TASP1: variants seen among roughly 807,000 people sequenced by gnomAD.
The protein encoded by TASP1 is taspase 1, also known as threonine aspartase 1.
TASP1 carries 16 observed loss-of-function variants against 56.6 expected under a neutral mutation model. The observed-to-expected ratio is 0.28, with a 90% confidence interval of 0.19 to 0.43. TASP1 has a LOEUF of 0.43. TASP1 is among the 20% of genes least tolerant of loss of function. The pLI, the probability that TASP1 is intolerant of heterozygous loss-of-function variation, is 1.00. For synonymous variants in TASP1, 179 were observed against 184.2 expected (o/e 0.97, Z 0.23); for missense variants, 393 against 511.6 (o/e 0.77, Z 2.24).
At chr20:13,107,104 G>T in the TASP1 span, among the ~76,000 whole-genome samples, 1 of 152,152 alleles carries the variant, frequency 6.6e-6, no homozygotes, top group East Asian at 1.9e-4. Flanking sequence ...CAAAGTAGAG[G>T]TCTCGCTTTG....
intron 2 of TASP1, among the ~76,000 whole-genome samples, chr20:13,627,539 T>C (rs538662704): frequency 6.6e-6 from 1 of 151,930 alleles, no homozygotes; most frequent in Non-Finnish European, 1.5e-5. Context: ...ATCACCTGAG[T>C]CAGGAGTTTG....
chr20:13,137,383 T>C, the TASP1 span, among the ~76,000 whole-genome samples: 1 of 152,176 alleles, frequency 6.6e-6, no homozygotes, highest in African/African-American at 2.4e-5. Context: ...CCTCTTTTCC[T>C]TTGGGTTTTG....
At chr20:13,498,549 G>C (rs1475443101) in intron 10 of TASP1, among the ~76,000 whole-genome samples, 2 of 151,996 alleles carry the variant, frequency 1.3e-5, no homozygotes, top group African/African-American at 4.8e-5. Flanking sequence ...AGTAGACATA[G>C]GGTTTCACCA....
At chr20:13,188,992 A>G in the TASP1 span, among the ~76,000 whole-genome samples, 2 of 152,100 alleles carry the variant, frequency 1.3e-5, no homozygotes, top group East Asian at 3.9e-4. Context: ...GCTGTAACCA[A>G]TCTCACTGTT....
intron 10 of TASP1, among the ~76,000 whole-genome samples, chr20:13,527,045 G>T (rs567309888): frequency 6.6e-6 from 1 of 152,118 alleles, no homozygotes; most frequent in African/African-American, 2.4e-5. Flanking sequence ...GAAATCATGA[G>T]AACAGCAGAA....
the TASP1 span, among the ~76,000 whole-genome samples, chr20:13,240,598 A>G: frequency 6.6e-6 from 1 of 152,256 alleles, no homozygotes; most frequent in South Asian, 2.1e-4. Flanking sequence ...TTTGCAGGTC[A>G]TGATAAAGAA....
chr20:13,146,724 T>C, the TASP1 span, among the ~76,000 whole-genome samples: 1 of 152,228 alleles, frequency 6.6e-6, no homozygotes, highest in South Asian at 2.1e-4. Context: ...AAATTTTTCA[T>C]CTTCTATTGC....
At chr20:13,318,317 G>A in the TASP1 span, among the ~76,000 whole-genome samples, 1 of 152,060 alleles carries the variant, frequency 6.6e-6, no homozygotes, top group Non-Finnish European at 1.5e-5. Flanking sequence ...CCAAAACATT[G>A]ACAACATCAG....
chr20:13,445,444 G>A (rs1019206957), intron 11 of TASP1, among the ~76,000 whole-genome samples: 1 of 152,144 alleles, frequency 6.6e-6, no homozygotes, highest in African/African-American at 2.4e-5. Context: ...TTCTTTTTCT[G>A]AATATTCCAT....
chr20:13,148,064 A>C, the TASP1 span, among the ~76,000 whole-genome samples: 1 of 152,220 alleles, frequency 6.6e-6, no homozygotes, highest in Non-Finnish European at 1.5e-5. Flanking sequence ...TTAACAGAGA[A>C]GAAATTTTCC....
chr20:13,384,237 G>A, the TASP1 span, among the ~76,000 whole-genome samples: 488 of 152,228 alleles, frequency 3.2e-3, 1 homozygote, highest in East Asian at 0.01. Context: ...AATCCCCATG[G>A]CAATTCAAGG....
At chr20:13,124,210 C>G in the TASP1 span, among the ~76,000 whole-genome samples, 256 of 152,122 alleles carry the variant, frequency 1.7e-3, 1 homozygote, top group African/African-American at 5.9e-3. Context: ...CAGGGACTAG[C>G]CTTATGGTCC....
intron 13 of TASP1, among the ~76,000 whole-genome samples, chr20:13,411,709 T>C (rs980723918): frequency 3.3e-5 from 5 of 152,214 alleles, no homozygotes; most frequent in Non-Finnish European, 5.9e-5. Flanking sequence ...TCCATTCTTA[T>C]AGTCCAGGCA....
chr20:13,272,770 A>G, the TASP1 span, among the ~76,000 whole-genome samples: 3 of 152,246 alleles, frequency 2.0e-5, no homozygotes, highest in Non-Finnish European at 4.4e-5. Flanking sequence ...GAATAGGTGC[A>G]GATTGGCAAG....
At chr20:13,555,072 T>C (rs937049147) in intron 8 of TASP1, among the ~76,000 whole-genome samples, 2 of 152,192 alleles carry the variant, frequency 1.3e-5, no homozygotes, top group Non-Finnish European at 2.9e-5. Context: ...CGTTGCTTTA[T>C]TAATAAGCTC....
the TASP1 span, among the ~76,000 whole-genome samples, chr20:13,149,685 C>T: frequency 1.3e-5 from 2 of 152,164 alleles, no homozygotes; most frequent in Non-Finnish European, 2.9e-5. Flanking sequence ...AAGAATAAAA[C>T]ATTTAGTTCT....
intron 13 of TASP1, among the ~76,000 whole-genome samples, chr20:13,414,224 C>T (rs765456407): frequency 6.6e-6 from 1 of 152,018 alleles, no homozygotes; most frequent in Non-Finnish European, 1.5e-5. Context: ...CAGAATGTTC[C>T]TCATTTTAAA....
chr20:13,637,309 A>G (rs1316932264), intron 1 of TASP1, among the ~76,000 whole-genome samples: 1 of 152,234 alleles, frequency 6.6e-6, no homozygotes, highest in Non-Finnish European at 1.5e-5. Flanking sequence ...AAATGGTGCA[A>G]CCAGTTTGGA....
intron 13 of TASP1, among the ~76,000 whole-genome samples, chr20:13,404,521 G>A (rs1030679287): frequency 2.0e-5 from 3 of 152,104 alleles, no homozygotes; most frequent in Non-Finnish European, 2.9e-5. Context: ...CAAGAGGATC[G>A]TTTGAGCCCA....
Sources: gnomAD v4.1 joint callset for allele counts (sites outside exome capture counted in the v4.1 genomes callset) on GRCh38, gnomAD v4.1.1 for gene constraint, MANE v1.5 for transcripts, NCBI Gene and HGNC (gene_info 2026-07-23, HGNC 2026-07-21) for gene names.